The following GULP1 variants were observed in gnomAD, a reference collection of about 807,000 sequenced individuals.
The protein encoded by GULP1 is GULP PTB domain containing engulfment adaptor 1.
GULP1 carries 19 observed loss-of-function variants against 40.9 expected under a neutral mutation model. The observed-to-expected ratio is 0.46, with a 90% CI of 0.32 to 0.68. GULP1 has a LOEUF of 0.68. Ranked by LOEUF, GULP1 falls within the 30% of genes least tolerant of loss-of-function variation. The pLI, the probability that GULP1 is intolerant of heterozygous loss-of-function variation, is 0.03. For synonymous variants in GULP1, 119 were observed against 117.6 expected (o/e 1.01, Z -0.08); for missense variants, 312 against 362.2 (o/e 0.86, Z 1.12).
At chr2:188,293,030 C>T (rs1230976597) in intron 1 of GULP1, 2 of 152,558 alleles carry the variant, frequency 1.3e-5, no homozygotes, top group African/African-American at 2.4e-5. Flanking sequence ...TCTGGGCAGG[C>T]TGGTTTTCTT....
chr2:188,476,293 G>T (rs372678885), intron 2 of GULP1, among the ~76,000 whole-genome samples: 1 of 152,112 alleles, frequency 6.6e-6, no homozygotes, highest in Non-Finnish European at 1.5e-5. Flanking sequence ...GAGACTTAGA[G>T]TGGAATGGGG....
At chr2:188,374,682 T>A (rs903795220) in intron 1 of GULP1, among the ~76,000 whole-genome samples, 8 of 151,882 alleles carry the variant, frequency 5.3e-5, no homozygotes, top group African/African-American at 1.7e-4. Flanking sequence ...ACTATTAGGA[T>A]CATGGTACTG....
rs200468375 is a variant in GULP1 at position 188,320,788 on chromosome 2, A to AT, written c.-172+28626dup. On this transcript the variant is annotated intron_variant, in intron 1 of 11. Coordinates refer to ENST00000409830, the MANE Select transcript of GULP1 (RefSeq NM_016315.4). ...AAATAACATAAACTAAAATTTTAAG[A>AT]TTTTACCTAAAATTTGCAAAACTCA... Among the ~76,000 whole-genome samples the AT allele has an allele frequency of 4.3e-3, 659 of 152,162 alleles. 7 individuals carry two copies. Among genetic ancestry groups the AT allele is most frequent in the Non-Finnish European group, 4.1e-3 (280 of 67,984 alleles).
At chr2:188,385,717 C>T (rs1000189065) in intron 2 of GULP1, among the ~76,000 whole-genome samples, 12 of 152,206 alleles carry the variant, frequency 7.9e-5, no homozygotes, top group Non-Finnish European at 1.3e-4. Flanking sequence ...TCCAGATACC[C>T]GAAATCACCT....
intron 2 of GULP1, among the ~76,000 whole-genome samples, chr2:188,453,757 A>C (rs1308871689): frequency 6.6e-6 from 1 of 152,204 alleles, no homozygotes; most frequent in Non-Finnish European, 1.5e-5. Flanking sequence ...TTTTGTGTGT[A>C]GTACAAGGGT....
intron 10 of GULP1, among the ~76,000 whole-genome samples, chr2:188,585,749 T>C (rs998830557): frequency 5.3e-5 from 8 of 152,184 alleles, no homozygotes; most frequent in Admixed American, 2.0e-4. Context: ...CTCTGGACCT[T>C]TGATGGGAGG....
At chr2:188,433,584 CAG>C (rs1391210868) in intron 2 of GULP1, among the ~76,000 whole-genome samples, 3 of 152,092 alleles carry the variant, frequency 2.0e-5, no homozygotes, top group Non-Finnish European at 4.4e-5. Flanking sequence ...ACAGTTCTAT[CAG>C]AGAAGAATCT....
chr2:188,550,347 T>G (rs564407073), intron 7 of GULP1, among the ~76,000 whole-genome samples: 1 of 151,734 alleles, frequency 6.6e-6, no homozygotes, highest in East Asian at 1.9e-4. Flanking sequence ...GAACAGAGAA[T>G]TTATTGTGAT....
At chr2:188,311,394 A>G (rs549179696) in intron 1 of GULP1, among the ~76,000 whole-genome samples, 55 of 152,132 alleles carry the variant, frequency 3.6e-4, no homozygotes, top group African/African-American at 1.3e-3. Flanking sequence ...ACGGGGTTTC[A>G]CCATGTTGGT....
chr2:188,313,849 G>A (rs768703113), intron 1 of GULP1, among the ~76,000 whole-genome samples: 2 of 151,758 alleles, frequency 1.3e-5, no homozygotes, highest in Non-Finnish European at 2.9e-5. Flanking sequence ...ATTTTATTGA[G>A]AATTGAGTAT....
chr2:188,571,989 G>A (rs552915355), intron 9 of GULP1, among the ~76,000 whole-genome samples: 1 of 152,304 alleles, frequency 6.6e-6, no homozygotes, highest in Admixed American at 6.5e-5. Context: ...GAGGAGCAAA[G>A]AGGTTTCAAA....
At chr2:188,473,604 TA>T (rs1243899147) in intron 2 of GULP1, among the ~76,000 whole-genome samples, 1 of 152,148 alleles carries the variant, frequency 6.6e-6, no homozygotes, top group Non-Finnish European at 1.5e-5. Flanking sequence ...GATGTTACCT[TA>T]AGGTCCGTGG....
At chr2:188,324,541 C>A (rs2040469344) in intron 1 of GULP1, among the ~76,000 whole-genome samples, 1 of 151,700 alleles carries the variant, frequency 6.6e-6, no homozygotes, top group East Asian at 1.9e-4. Context: ...ACTTAAGAAC[C>A]TTTAAGTTTT....
At chr2:188,335,204 C>G (rs2042102413) in intron 1 of GULP1, among the ~76,000 whole-genome samples, 1 of 152,138 alleles carries the variant, frequency 6.6e-6, no homozygotes, top group South Asian at 2.1e-4. Context: ...GAGTTTATTT[C>G]TCTTTTCTGG....
chr2:188,562,088 C>T (rs543573336), intron 7 of GULP1, among the ~76,000 whole-genome samples: 114 of 152,300 alleles, frequency 7.5e-4, no homozygotes, highest in Admixed American at 2.3e-3. Context: ...CTCAGCACTT[C>T]TGGGCCCCAG....
At chr2:188,480,677 ATT>A (rs375505647) in intron 3 of GULP1, among the ~76,000 whole-genome samples, 2 of 151,838 alleles carry the variant, frequency 1.3e-5, no homozygotes, top group African/African-American at 4.8e-5. Context: ...TTTGTTTTAG[ATT>A]TTTTCCCAAT....
intron 6 of GULP1, among the ~76,000 whole-genome samples, chr2:188,533,783 G>C (rs1250734875): frequency 6.6e-6 from 1 of 151,862 alleles, no homozygotes. Context: ...AATTGAACAA[G>C]CAAAAAATAA....
At chr2:188,367,206 T>G (rs1384680028) in intron 1 of GULP1, among the ~76,000 whole-genome samples, 1 of 152,224 alleles carries the variant, frequency 6.6e-6, no homozygotes, top group Non-Finnish European at 1.5e-5. Flanking sequence ...ACATTTCAGT[T>G]ACTGGAATGA....
intron 3 of GULP1, among the ~76,000 whole-genome samples, chr2:188,478,348 C>T (rs920948727): frequency 3.3e-5 from 5 of 151,934 alleles, no homozygotes; most frequent in Admixed American, 6.6e-5. Flanking sequence ...TTATGATGCA[C>T]TTATAAAGAA....
Sources: allele counts gnomAD v4.1 joint callset (sites outside exome capture counted in the v4.1 genomes callset), GRCh38; gene constraint gnomAD v4.1.1; transcripts MANE v1.5; gene names NCBI Gene and HGNC (gene_info 2026-07-23, HGNC 2026-07-21).